The following IFNGR2 variants were observed in gnomAD, a reference collection of about 807,000 sequenced individuals.
IFNGR2 encodes the protein interferon gamma receptor 2.
In IFNGR2, 15 loss-of-function variants were observed where a neutral mutation model predicts 41.1. The observed-to-expected ratio is 0.37, with a 90% CI of 0.24 to 0.56. The LOEUF (loss-of-function observed/expected upper bound fraction) is 0.56. Among genes scored for constraint, IFNGR2 ranks in the 20% least tolerant of loss-of-function variants. IFNGR2 has a pLI of 0.81. For synonymous variants in IFNGR2, 161 were observed against 171.6 expected (o/e 0.94, Z 0.48); for missense variants, 362 against 415.7 (o/e 0.87, Z 1.12).
intron 1 of IFNGR2, chr21:33,410,827 T>G: frequency 6.5e-7 from 1 of 1,528,518 alleles, no homozygotes; most frequent in Non-Finnish European, 8.9e-7. Context: ...ATCTAAAATT[T>G]ATGCTCAGCA....
chr21:33,419,459 TTGTG>T (rs35945253), intron 2 of IFNGR2, among the ~76,000 whole-genome samples: 8 of 149,986 alleles, frequency 5.3e-5, no homozygotes, highest in African/African-American at 2.0e-4. Context: ...TGTTTGAAAA[TTGTG>T]TGTGTGTGTG....
chr21:33,426,098 TGG>T, intron 3 of IFNGR2, among the ~76,000 whole-genome samples: 1 of 151,982 alleles, frequency 6.6e-6, no homozygotes, highest in South Asian at 2.1e-4. Context: ...TAGACTTACA[TGG>T]CAACACTTCT....
chr21:33,410,777 A>G (rs1194621732), intron 1 of IFNGR2: 1 of 1,188,992 alleles, frequency 8.4e-7, no homozygotes, highest in African/African-American at 1.5e-5. Flanking sequence ...CAATTAGAAT[A>G]ACTTTTTACA....
chr21:33,432,950 ATC>A (rs2083905057), intron 6 of IFNGR2, 79 bp downstream of exon 6: 4 of 1,202,296 alleles, frequency 3.3e-6, no homozygotes, highest in Admixed American at 3.9e-5. Context: ...TCATGGTACA[ATC>A]TCTGCTCACT....
intron 3 of IFNGR2, among the ~76,000 whole-genome samples, chr21:33,422,051 T>C (rs1376622895): frequency 6.6e-6 from 1 of 152,264 alleles, no homozygotes; most frequent in Non-Finnish European, 1.5e-5. Context: ...TTACTGTGGC[T>C]CTTTACTGAA....
chr21:33,414,066 C>A (rs1455550848), intron 1 of IFNGR2, among the ~76,000 whole-genome samples: 1 of 152,096 alleles, frequency 6.6e-6, no homozygotes, highest in Non-Finnish European at 1.5e-5. Flanking sequence ...CTCCTGACCT[C>A]GAGTGATCTG....
intron 1 of IFNGR2, among the ~76,000 whole-genome samples, chr21:33,407,337 A>G (rs192720495): frequency 6.6e-6 from 1 of 152,204 alleles, no homozygotes; most frequent in Non-Finnish European, 1.5e-5. Flanking sequence ...GTGAATGTCC[A>G]CTGGGTAAGC....
chr21:33,434,512 A>C (rs1192373741), intron 6 of IFNGR2, among the ~76,000 whole-genome samples: 2 of 151,984 alleles, frequency 1.3e-5, no homozygotes, highest in Admixed American at 1.3e-4. Flanking sequence ...GCAGAGCAAG[A>C]CTCCATCTCA....
Position 33,405,238 on chromosome 21 carries a change from C to G in IFNGR2, c.73+1622C>G, listed in dbSNP as rs149846358. 1.5e-3 allele frequency among the ~76,000 whole-genome samples: 233 copies of G among 152,226 alleles called. 2 individuals carry two copies. Among genetic ancestry groups the G allele is most frequent in the Non-Finnish European group, 6.9e-4 (47 of 68,010 alleles). On this transcript the variant is annotated intron_variant, in intron 1 of 6. Coordinates refer to ENST00000290219, the MANE Select transcript of IFNGR2 (RefSeq NM_005534.4). ...GGGGAGAGTGATATCATAGGAGTCT[C>G]GAGAATTTAGAAGATTCTTCCCATT... is the stretch of plus-strand genomic sequence containing the variant.
chr21:33,424,560 T>C (rs150886546), intron 3 of IFNGR2, among the ~76,000 whole-genome samples: 1 of 152,176 alleles, frequency 6.6e-6, no homozygotes, highest in East Asian at 1.9e-4. Context: ...GTAATGGATA[T>C]GGAGGTGGTT....
At chr21:33,420,603 A>G (rs2834213) in intron 2 of IFNGR2, among the ~76,000 whole-genome samples, 28,854 of 152,250 alleles carry the variant, frequency 0.19, 3,318 homozygotes, top group Non-Finnish European at 0.25. Flanking sequence ...TTCCCAAAAC[A>G]TAGGCTACAG....
Position 33,403,452 on chromosome 21 carries a change from G to C in IFNGR2, c.-92G>C. 15 of 781,280 alleles carry C rather than the reference G, an allele frequency of 1.9e-5. No individual in the cohort carries two copies. Among genetic ancestry groups the C allele is most frequent in the Non-Finnish European group, 2.3e-5 (14 of 620,890 alleles). The allele number at this position is 781,280 out of a possible 1,614,324, so 48.4% of individuals were successfully genotyped here. ...GGCGGGCCCTGCGCGCCCTGCGCTC[G>C]CCATGGCGGTTTGGGCGGCGACGTG... On this transcript the variant is annotated 5_prime_UTR_variant, in exon 1 of 7. Transcript: ENST00000290219.
At chr21:33,426,251 A>G (rs2083834807) in intron 3 of IFNGR2, among the ~76,000 whole-genome samples, 1 of 152,174 alleles carries the variant, frequency 6.6e-6, no homozygotes, top group Admixed American at 6.5e-5. Flanking sequence ...TGTCTCTACT[A>G]AAAATACAAA....
chr21:33,406,356 CAG>C (rs943031110), intron 1 of IFNGR2, among the ~76,000 whole-genome samples: 38 of 150,920 alleles, frequency 2.5e-4, no homozygotes, highest in African/African-American at 8.1e-4. Flanking sequence ...GCCTGGGTGA[CAG>C]AGCAAGACTC....
At chr21:33,421,368 G>T in intron 2 of IFNGR2, 112 bp from the exon 3 acceptor site, 1 of 770,298 alleles carries the variant, frequency 1.3e-6, no homozygotes, top group East Asian at 2.5e-5. Context: ...GGAACTGTAT[G>T]GTACATATAA....
chr21:33,431,606 G>A (rs2083888613), intron 4 of IFNGR2, among the ~76,000 whole-genome samples: 1 of 152,190 alleles, frequency 6.6e-6, no homozygotes, highest in South Asian at 2.1e-4. Flanking sequence ...GTTTTGAGAT[G>A]GAGTCTTGCT....
intron 6 of IFNGR2, among the ~76,000 whole-genome samples, chr21:33,434,274 G>T (rs1407103339): frequency 6.6e-6 from 1 of 152,138 alleles, no homozygotes; most frequent in Non-Finnish European, 1.5e-5. Flanking sequence ...GTAATCCCAG[G>T]ACTTGGGGAG....
At chr21:33,435,503 C>T (rs929163308) in intron 6 of IFNGR2, among the ~76,000 whole-genome samples, 16 of 152,112 alleles carry the variant, frequency 1.1e-4, no homozygotes, top group African/African-American at 3.9e-4. Flanking sequence ...GAGTTTTGCC[C>T]TTTTAAACTC....
chr21:33,421,622 G>A lies in IFNGR2; in HGVS notation c.349G>A (p.Ala117Thr). 2.5e-6 allele frequency: 4 copies of A among 1,614,150 alleles called. No homozygotes were observed. Among genetic ancestry groups the A allele is most frequent in the Non-Finnish European group, 3.4e-6 (4 of 1,180,026 alleles). The change falls in exon 3 of 7, where the codon GCT (alanine) becomes ACT (threonine). Residue 117 changes from alanine to threonine, a missense_variant. Physicochemically the swap from Ala to Thr is moderately conservative, Grantham distance 58. Transcript: ENST00000290219. ...TTTCAATGTCACTCTACGCCTTCGA[G>A]CTGAGCTGGGAGCACTCCATTCTGC... ...MDFNVTLRLR[A>T]ELGALHSAWV... is the part of the protein sequence containing the mutation.
Sources: gnomAD v4.1 joint callset for allele counts (sites outside exome capture counted in the v4.1 genomes callset) on GRCh38, gnomAD v4.1.1 for gene constraint, MANE v1.5 for transcripts, NCBI Gene and HGNC (gene_info 2026-07-23, HGNC 2026-07-21) for gene names.